NBPF9: variants seen among roughly 807,000 people sequenced by gnomAD.
NBPF9 encodes NBPF member 9.
In NBPF9, 91 loss-of-function variants were observed where a neutral mutation model predicts 97.8. The ratio of observed to expected loss-of-function variants is 0.93; its 90% CI spans 0.79 to 1.11. NBPF9 has a LOEUF of 1.11. Among genes scored for constraint, NBPF9 ranks in the 50% least tolerant of loss-of-function variants. The pLI is 0.00. For synonymous variants in NBPF9, 334 were observed against 359.5 expected (o/e 0.93, Z 0.80); for missense variants, 992 against 939.5 (o/e 1.06, Z -0.73).
In NBPF9 at chr1:149,061,905, G is replaced by A. The variant is rs2078618442; in HGVS notation, c.2251+188C>T. ...GGCTGGAGACTAGGAATGGAGCCTT[G>A]CTCACTGACCCATTTCATGTCTAGG... On this transcript the variant is annotated intron_variant, in intron 22 of 29. Coordinates refer to ENST00000584027, the Ensembl canonical transcript of NBPF9. 3 of 452,778 alleles carry A rather than the reference G, an allele frequency of 6.6e-6. 1 individual carries two copies. In the African/African-American group the frequency reaches 9.2e-5, roughly 14 times the overall value. 28.0% of individuals were successfully genotyped at this position (452,778 alleles called of 1,614,324 possible). A position where few individuals can be genotyped will look rare whatever the true frequency, so the allele number is the denominator to read the frequency against.
intron 29 of NBPF9, among the ~76,000 whole-genome samples, 199 bp from the exon 30 acceptor site, chr1:149,056,098 A>G (rs1553648906): frequency 1.4e-5 from 2 of 139,256 alleles, no homozygotes; most frequent in African/African-American, 6.6e-5. Flanking sequence ...AGAAAGACAG[A>G]GAGAGAAAGA....
intron 2 of NBPF9, among the ~76,000 whole-genome samples, chr1:149,101,585 C>T (rs1553245300): frequency 0.055 from 8,294 of 151,480 alleles, 176 homozygotes; most frequent in East Asian, 0.39. Context: ...ATTTAACAGG[C>T]ACTTCACAAA....
chr1:149,084,564 G>C (rs2080833658), intron 5 of NBPF9, among the ~76,000 whole-genome samples: 2 of 150,078 alleles, frequency 1.3e-5, no homozygotes, highest in African/African-American at 4.9e-5. Context: ...GGCCCCAGCA[G>C]CAGCGACCAG....
chr1:149,075,425 A>C (rs1221085765), intron 12 of NBPF9, among the ~76,000 whole-genome samples: 3 of 152,358 alleles, frequency 2.0e-5, no homozygotes, highest in African/African-American at 7.2e-5. Flanking sequence ...AAATCAATAA[A>C]TGGCAGTTTA....
At chr1:149,076,710 G>A (rs587742466) in intron 11 of NBPF9, among the ~76,000 whole-genome samples, 12 of 146,756 alleles carry the variant, frequency 8.2e-5, no homozygotes, top group Admixed American at 5.5e-4. Flanking sequence ...GGGTTTCACC[G>A]TGTTAGCCAG....
intron 5 of NBPF9, among the ~76,000 whole-genome samples, chr1:149,085,730 G>T (rs2080939578): frequency 1.3e-5 from 2 of 151,512 alleles, no homozygotes; most frequent in Non-Finnish European, 1.5e-5. Flanking sequence ...CTAATTGCTA[G>T]TATGGAGAAA....
exon 2 of NBPF9, chr1:149,102,759 C>T (rs1179031473): frequency 6.6e-6 from 1 of 151,974 alleles, no homozygotes; most frequent in African/African-American, 2.4e-5. Context: ...AGAGGCCTGC[C>T]CCGCTAGTCA....
At chr1:149,099,277 A>G (rs1447948738) in intron 3 of NBPF9, among the ~76,000 whole-genome samples, 15 of 152,350 alleles carry the variant, frequency 9.8e-5, no homozygotes, top group South Asian at 2.1e-4. Flanking sequence ...AGGTTATGCT[A>G]CAGTAACAAA....
intron 19 of NBPF9, among the ~76,000 whole-genome samples, 189 bp from the exon 20 acceptor site, chr1:149,063,994 A>G (rs1481305627): frequency 1.7e-5 from 1 of 57,796 alleles, no homozygotes; most frequent in African/African-American, 6.8e-5. Context: ...AAAGAGAAAG[A>G]CACACACACA....
intron 5 of NBPF9, chr1:149,090,142 C>T (rs1553659732): frequency 1.3e-5 from 2 of 150,284 alleles, no homozygotes; most frequent in African/African-American, 4.9e-5. Context: ...AGAAGGCAGA[C>T]CCATCCCTGC....
Position 149,076,589 on chromosome 1 carries a change from G to A in NBPF9, c.778+619C>T, listed in dbSNP as rs1381549869. ...ACAATCTCGGCTCACTGCAAGCTCCGGTTCCTGGGTTCATGCCATTCTCCT... is the reference window on the plus strand; with the variant it reads ...ACAATCTCGGCTCACTGCAAGCTCCAGTTCCTGGGTTCATGCCATTCTCCT... On this transcript the variant is annotated intron_variant, in intron 11 of 29. Coordinates refer to ENST00000584027, the Ensembl canonical transcript of NBPF9. Among the ~76,000 whole-genome samples, 99 of 149,354 alleles carry A rather than the reference G, an allele frequency of 6.6e-4. No homozygotes were observed. The East Asian group carries it at 0.014, about 21-fold the overall frequency.
chr1:149,056,256 A>G (rs1405957095), intron 29 of NBPF9, among the ~76,000 whole-genome samples: 2 of 141,208 alleles, frequency 1.4e-5, no homozygotes, highest in African/African-American at 5.3e-5. Context: ...TTTCCATAAA[A>G]TATGCTCAAA....
At chr1:149,068,319 A>G (rs1553652212) in intron 17 of NBPF9, among the ~76,000 whole-genome samples, 5 of 151,136 alleles carry the variant, frequency 3.3e-5, no homozygotes, top group African/African-American at 1.2e-4. Context: ...CCAGTTAAAA[A>G]ACACAGAATG....
intron 5 of NBPF9, among the ~76,000 whole-genome samples, chr1:149,085,545 C>A (rs2080922811): frequency 2.6e-5 from 4 of 152,100 alleles, no homozygotes; most frequent in African/African-American, 7.2e-5. Context: ...AATATGCTAA[C>A]AAAATTGAGT....
intron 26 of NBPF9, chr1:149,058,698 G>T: frequency 3.0e-6 from 1 of 336,564 alleles, no homozygotes. Context: ...GCGGGCTCAG[G>T]TTGCCACAGG....
intron 9 of NBPF9, among the ~76,000 whole-genome samples, chr1:149,078,636 C>T: frequency 2.9e-5 from 4 of 139,046 alleles, no homozygotes; most frequent in Admixed American, 7.3e-5. Flanking sequence ...ATCACTCACT[C>T]ACCGACACTT....
intron 12 of NBPF9, among the ~76,000 whole-genome samples, chr1:149,074,968 C>T (rs322073): frequency 0.039 from 5,922 of 150,752 alleles, 227 homozygotes; most frequent in African/African-American, 0.14. Context: ...CCTGCCACCA[C>T]GCCCATCTAC....
chr1:149,074,268 G>T (rs1292733697), intron 12 of NBPF9, among the ~76,000 whole-genome samples: 1 of 151,280 alleles, frequency 6.6e-6, no homozygotes, highest in African/African-American at 2.4e-5. Context: ...AGGACTATGG[G>T]ACTGATGGTT....
chr1:149,056,036 T>C (rs597581), intron 29 of NBPF9, 137 bp from the exon 30 acceptor site: 34 of 1,310,766 alleles, frequency 2.6e-5, no homozygotes, highest in Non-Finnish European at 3.4e-5. Context: ...AAAAAAAAAA[T>C]TTATTGCCTT....
Sources: allele counts gnomAD v4.1 joint callset (sites outside exome capture counted in the v4.1 genomes callset), GRCh38; gene constraint gnomAD v4.1.1; transcripts MANE v1.5; gene names NCBI Gene and HGNC (gene_info 2026-07-23, HGNC 2026-07-21).